The following CSMD1 variants were observed in gnomAD, a reference collection of about 807,000 sequenced individuals.
CSMD1 encodes the protein CUB and sushi domain-containing protein 1.
CSMD1 carries 213 observed loss-of-function variants against 417.5 expected under a neutral mutation model. The observed-to-expected ratio is 0.51, with a 90% CI of 0.46 to 0.57. The LOEUF (loss-of-function observed/expected upper bound fraction) is 0.57, where lower values mean the gene tolerates loss of function less well. CSMD1 is among the 20% of genes least tolerant of loss of function. The pLI is 0.00. For synonymous variants in CSMD1, 2,862 were observed against 1,736.8 expected (o/e 1.65, Z -16.11); for missense variants, 6,923 against 4,529.7 (o/e 1.53, Z -15.17).
chr8:4,254,748 C>G (rs1803332763), intron 3 of CSMD1, among the ~76,000 whole-genome samples: 1 of 152,122 alleles, frequency 6.6e-6, no homozygotes, highest in Non-Finnish European at 1.5e-5. Flanking sequence ...TCTGCAAAGT[C>G]TTACCATTGT....
intron 2 of CSMD1, among the ~76,000 whole-genome samples, chr8:4,442,703 C>G (rs1798554026): frequency 1.3e-5 from 2 of 152,080 alleles, no homozygotes; most frequent in East Asian, 1.9e-4. Context: ...AGGTAGTTCC[C>G]CGAAATGTGT....
intron 26 of CSMD1, among the ~76,000 whole-genome samples, chr8:3,239,400 T>C (rs1799354145): frequency 6.6e-6 from 1 of 151,938 alleles, no homozygotes; most frequent in South Asian, 2.1e-4. Context: ...AGGGAAGAAA[T>C]GACTATGGTG....
At chr8:4,763,877 A>T (rs921728371) in intron 1 of CSMD1, among the ~76,000 whole-genome samples, 2 of 152,232 alleles carry the variant, frequency 1.3e-5, no homozygotes, top group African/African-American at 4.8e-5. Context: ...ACTAAAATAC[A>T]TGATTAAGCC....
intron 3 of CSMD1, among the ~76,000 whole-genome samples, chr8:4,049,623 G>C (rs891181201): frequency 6.6e-6 from 1 of 152,168 alleles, no homozygotes; most frequent in South Asian, 2.1e-4. Flanking sequence ...TCATTGCTCT[G>C]TAAGTTGCAT....
At chr8:4,904,104 G>C (rs563692278) in intron 1 of CSMD1, among the ~76,000 whole-genome samples, 4 of 152,082 alleles carry the variant, frequency 2.6e-5, no homozygotes, top group African/African-American at 9.7e-5. Flanking sequence ...GGATAGGCTC[G>C]AATTCCAATG....
chr8:3,436,710 G>C (rs1814589014), intron 12 of CSMD1, among the ~76,000 whole-genome samples: 2 of 152,154 alleles, frequency 1.3e-5, no homozygotes, highest in African/African-American at 2.4e-5. Flanking sequence ...AACGCTTTCT[G>C]AGTAAAAGGC....
chr8:3,524,295 A>C (rs1199480552), intron 10 of CSMD1, among the ~76,000 whole-genome samples: 1 of 150,688 alleles, frequency 6.6e-6, no homozygotes, highest in Non-Finnish European at 1.5e-5. Flanking sequence ...ATGCACACAC[A>C]CGTACACTCA....
At chr8:4,548,826 C>A (rs140350018) in intron 2 of CSMD1, among the ~76,000 whole-genome samples, 4 of 152,114 alleles carry the variant, frequency 2.6e-5, no homozygotes, top group Admixed American at 2.6e-4. Flanking sequence ...GGAGAGCATA[C>A]TGCCTTGGTC....
At chr8:4,461,222 G>C (rs1218047839) in intron 2 of CSMD1, among the ~76,000 whole-genome samples, 1 of 151,870 alleles carries the variant, frequency 6.6e-6, no homozygotes, top group African/African-American at 2.4e-5. Flanking sequence ...ACTAGCAATG[G>C]GGAATTTCTT....
chr8:3,288,873 C>G (rs548915492), intron 25 of CSMD1, among the ~76,000 whole-genome samples: 1 of 146,564 alleles, frequency 6.8e-6, no homozygotes, highest in Non-Finnish European at 1.5e-5. Context: ...ATGTGCACAA[C>G]CTACAGGTTT....
At chr8:4,944,163 A>G (rs1563831391) in intron 1 of CSMD1, among the ~76,000 whole-genome samples, 1 of 152,166 alleles carries the variant, frequency 6.6e-6, no homozygotes, top group Non-Finnish European at 1.5e-5. Context: ...AGTCTCATGA[A>G]AGAGAAAAAA....
At chr8:4,443,420 TTTATTCA>T (rs1238543278) in intron 2 of CSMD1, among the ~76,000 whole-genome samples, 4 of 152,118 alleles carry the variant, frequency 2.6e-5, no homozygotes, top group African/African-American at 4.8e-5. Flanking sequence ...TGCAACAATC[TTTATTCA>T]TTATTCAACA....
intron 5 of CSMD1, among the ~76,000 whole-genome samples, chr8:3,878,117 C>T (rs1005476201): frequency 1.3e-5 from 2 of 152,158 alleles, no homozygotes; most frequent in African/African-American, 4.8e-5. Context: ...CTTCCTCCTT[C>T]CCTGCCCACA....
chr8:4,956,699 G>A (rs568870600), intron 1 of CSMD1, among the ~76,000 whole-genome samples: 20 of 152,202 alleles, frequency 1.3e-4, no homozygotes, highest in East Asian at 5.8e-4. Context: ...CTTACAGTAT[G>A]ATGAACTTAA....
chr8:3,230,654 G>A (rs1798783373), intron 26 of CSMD1, among the ~76,000 whole-genome samples: 1 of 152,098 alleles, frequency 6.6e-6, no homozygotes, highest in South Asian at 2.1e-4. Context: ...TAAGGTCTGT[G>A]CCTTCAAAGG....
At chr8:4,708,738 A>G (rs767360861) in intron 1 of CSMD1, among the ~76,000 whole-genome samples, 2 of 152,138 alleles carry the variant, frequency 1.3e-5, no homozygotes, top group Non-Finnish European at 2.9e-5. Flanking sequence ...CTAAAGATTC[A>G]TATATAAAGT....
At chr8:3,591,041 T>A (rs1338161175) in intron 8 of CSMD1, among the ~76,000 whole-genome samples, 2 of 152,226 alleles carry the variant, frequency 1.3e-5, no homozygotes, top group Non-Finnish European at 2.9e-5. Flanking sequence ...AGAAAAAAGC[T>A]AGCAGTGCCT....
chr8:3,537,019 T>A (rs1798231088), intron 10 of CSMD1, among the ~76,000 whole-genome samples: 1 of 152,168 alleles, frequency 6.6e-6, no homozygotes, highest in African/African-American at 2.4e-5. Context: ...CTTTTCTTTT[T>A]TTTGAGATGG....
intron 1 of CSMD1, among the ~76,000 whole-genome samples, chr8:4,754,634 G>C (rs1457508716): frequency 6.6e-6 from 1 of 151,728 alleles, no homozygotes; most frequent in Non-Finnish European, 1.5e-5. Flanking sequence ...GGTGGATCAT[G>C]AGGTCAGGAG....
Sources: gnomAD v4.1 joint callset for allele counts (sites outside exome capture counted in the v4.1 genomes callset) on GRCh38, gnomAD v4.1.1 for gene constraint, MANE v1.5 for transcripts, NCBI Gene and HGNC (gene_info 2026-07-23, HGNC 2026-07-21) for gene names.